ART3: variants seen among roughly 807,000 people sequenced by gnomAD.
ART3 encodes ADP-ribosyltransferase 3 (inactive), also known as ecto-ADP-ribosyltransferase 3.
ART3 carries 49 observed loss-of-function variants against 48.5 expected under a neutral mutation model. The ratio of observed to expected loss-of-function variants is 1.01; its 90% CI spans 0.80 to 1.28. The LOEUF (loss-of-function observed/expected upper bound fraction) is 1.28, where lower values mean the gene tolerates loss of function less well. Ranked by LOEUF, ART3 falls within the 50% of genes most tolerant of loss-of-function variation. The probability of loss-of-function intolerance (pLI) is 0.00; values close to 1 mark genes in which losing one functional copy is unlikely to be tolerated. For synonymous variants in ART3, 145 were observed against 157.2 expected (o/e 0.92, Z 0.58); for missense variants, 438 against 454.3 (o/e 0.96, Z 0.33).
chr4:76,101,006 G>A lies in ART3; in HGVS notation c.924G>A (p.Lys308=). The part of the protein sequence containing the change: ...KLEDHGEKNQ[K]LEDHGVKILE... ...GTAACTCAGGTGAGAAAAACCAGAAGCTTGAAGACCATGGTAAGACATTTA... is the reference window on the plus strand; with the variant it reads ...GTAACTCAGGTGAGAAAAACCAGAAACTTGAAGACCATGGTAAGACATTTA... Residue 308 remains lysine, a synonymous_variant, in exon 8 of 12, where the codon AAG becomes AAA. Coordinates refer to ENST00000355810, the MANE Select transcript of ART3 (RefSeq NM_001130016.3). The A allele has an allele frequency of 6.2e-7, 1 of 1,613,772 alleles. No homozygotes were observed. The highest frequency in any genetic ancestry group is 1.1e-5 in the South Asian group (1 of 90,944).
intron 3 of ART3, among the ~76,000 whole-genome samples, chr4:76,096,381 C>G (rs1233773721): frequency 6.6e-6 from 1 of 152,230 alleles, no homozygotes; most frequent in Non-Finnish European, 1.5e-5. Flanking sequence ...GGTTCAGACA[C>G]TCACTACAAA....
intron 10 of ART3, among the ~76,000 whole-genome samples, chr4:76,107,033 G>A (rs553797805): frequency 3.3e-5 from 5 of 151,768 alleles, no homozygotes; most frequent in Non-Finnish European, 7.3e-5. Context: ...GATTACATGA[G>A]ACATTCAATA....
At position 76,106,132 on chromosome 4, in the gene ART3, G is replaced by A. The variant is rs1368000414; in HGVS notation, c.1003+1503G>A. The A allele has an allele frequency of 9.1e-6, 9 of 985,186 alleles. No individual in the cohort carries two copies. The Admixed American group carries it at 4.9e-4, about 54-fold the overall frequency. 61.0% of individuals were successfully genotyped at this position (985,186 alleles called of 1,614,324 possible). A position where few individuals can be genotyped will look rare whatever the true frequency, so the allele number is the denominator to read the frequency against. On this transcript the variant is annotated intron_variant, in intron 10 of 11. Coordinates refer to ENST00000355810, the MANE Select transcript of ART3 (RefSeq NM_001130016.3). ...AGATGAGAACATGGAACATAAGAAGGCTAACAAATTTATAATAGGCTAGAG... is the reference window on the plus strand; with the variant it reads ...AGATGAGAACATGGAACATAAGAAGACTAACAAATTTATAATAGGCTAGAG...
chr4:76,043,478 A>G (rs1345975806), intron 1 of ART3, among the ~76,000 whole-genome samples: 1 of 152,102 alleles, frequency 6.6e-6, no homozygotes, highest in Non-Finnish European at 1.5e-5. Context: ...AATCGAGTGC[A>G]GTGCCAGCCC....
At chr4:76,061,544 C>G (rs895832057) in intron 1 of ART3, among the ~76,000 whole-genome samples, 1 of 152,300 alleles carries the variant, frequency 6.6e-6, no homozygotes, top group African/African-American at 2.4e-5. Flanking sequence ...GATTATGTTT[C>G]TCCTCTACTT....
intron 2 of ART3, among the ~76,000 whole-genome samples, chr4:76,080,062 C>T (rs1367780684): frequency 6.6e-6 from 1 of 152,108 alleles, no homozygotes; most frequent in Non-Finnish European, 1.5e-5. Context: ...CCTAAGCAGA[C>T]TTATGCAACT....
intron 1 of ART3, among the ~76,000 whole-genome samples, chr4:76,069,247 AAAG>A (rs1720051547): frequency 1.0e-5 from 1 of 100,448 alleles, no homozygotes; most frequent in African/African-American, 8.8e-5. Flanking sequence ...ATTACTCTAA[AAAG>A]AAGCCTAGTA....
In ART3 at chr4:76,078,229, A is replaced by G. The variant is rs145134634; in HGVS notation, c.69+2271A>G. ...GCTCAAGGCACGCACCATACAAAAT[A>G]CACAATCAGCTATGGTGTCTGGCCA... On this transcript the variant is annotated intron_variant, in intron 2 of 11. Transcript: ENST00000355810. Among the ~76,000 whole-genome samples, 20 of 152,224 alleles carry G rather than the reference A, an allele frequency of 1.3e-4. No homozygotes were observed. The East Asian group carries it at 3.9e-3, about 29-fold the overall frequency.
chr4:76,096,722 A>G (rs1001562492), intron 3 of ART3, among the ~76,000 whole-genome samples: 3 of 152,220 alleles, frequency 2.0e-5, no homozygotes, highest in African/African-American at 4.8e-5. Flanking sequence ...TTTCTAGGGC[A>G]TCACCAGTGA....
chr4:76,101,986 T>C (rs1171909420), intron 8 of ART3, among the ~76,000 whole-genome samples: 2 of 152,222 alleles, frequency 1.3e-5, no homozygotes, highest in African/African-American at 4.8e-5. Flanking sequence ...CACAGTGTTA[T>C]GGTAGTGTCA....
chr4:76,050,321 C>G (rs1735937113), intron 1 of ART3, among the ~76,000 whole-genome samples: 1 of 152,116 alleles, frequency 6.6e-6, no homozygotes, highest in Non-Finnish European at 1.5e-5. Flanking sequence ...GGTTTACAAT[C>G]CCTGAGCTAG....
At chr4:76,028,141 T>A (rs1214175324) in intron 1 of ART3, among the ~76,000 whole-genome samples, 1 of 150,648 alleles carries the variant, frequency 6.6e-6, no homozygotes, top group African/African-American at 2.5e-5. Context: ...GGTAGAAACC[T>A]GACAAATGTG....
chr4:76,051,045 A>G (rs952982382), intron 1 of ART3, among the ~76,000 whole-genome samples: 2 of 151,968 alleles, frequency 1.3e-5, no homozygotes, highest in African/African-American at 4.8e-5. Context: ...GTCCCTCCAC[A>G]CCTCCCTGCA....
At chr4:76,110,365 T>C (rs1410980990) in intron 11 of ART3, among the ~76,000 whole-genome samples, 2 of 152,236 alleles carry the variant, frequency 1.3e-5, no homozygotes, top group East Asian at 1.9e-4. Context: ...CTGTGTATGC[T>C]ATTTTATTTA....
intron 8 of ART3, 75 bp downstream of exon 8, chr4:76,101,094 A>AT: frequency 1.3e-6 from 2 of 1,565,570 alleles, no homozygotes; most frequent in South Asian, 2.3e-5. Context: ...ACAGGGAAGA[A>AT]TGTCGTGGTA....
chr4:76,045,043 G>A (rs541342887), intron 1 of ART3, among the ~76,000 whole-genome samples: 155 of 152,180 alleles, frequency 1.0e-3, no homozygotes, highest in African/African-American at 3.6e-3. Context: ...CTAAGGCTCG[G>A]GTAAGTGCCA....
chr4:76,012,497 C>T (rs1362861947), intron 1 of ART3, among the ~76,000 whole-genome samples: 1 of 152,202 alleles, frequency 6.6e-6, no homozygotes, highest in East Asian at 1.9e-4. Flanking sequence ...TGGTGAGTTA[C>T]ATGCAGGCAA....
chr4:76,111,352 A>C (rs945690374), intron 11 of ART3, among the ~76,000 whole-genome samples: 6 of 152,208 alleles, frequency 3.9e-5, no homozygotes, highest in African/African-American at 1.2e-4. Context: ...CATTACAAGA[A>C]AAAGTTGAAT....
chr4:76,024,705 T>C (rs1733207657), intron 1 of ART3, among the ~76,000 whole-genome samples: 1 of 152,170 alleles, frequency 6.6e-6, no homozygotes. Context: ...GGCACCACCC[T>C]GCAATGAGAG....
Sources: gnomAD v4.1 joint callset for allele counts (sites outside exome capture counted in the v4.1 genomes callset) on GRCh38, gnomAD v4.1.1 for gene constraint, MANE v1.5 for transcripts, NCBI Gene and HGNC (gene_info 2026-07-23, HGNC 2026-07-21) for gene names.